Variants in NAALADL2 observed in about 807,000 individuals in gnomAD.
NAALADL2 encodes the protein N-acetylated alpha-linked acidic dipeptidase like 2.
A neutral mutation model predicts 87.2 loss-of-function variants in NAALADL2; 76 were observed. That is an observed-to-expected ratio of 0.87 (90% CI 0.72 to 1.05). The LOEUF (loss-of-function observed/expected upper bound fraction) is 1.05, where lower values mean the gene tolerates loss of function less well. Ranked by LOEUF, NAALADL2 falls within the 50% of genes least tolerant of loss-of-function variation. NAALADL2 has a pLI of 0.00. For synonymous variants in NAALADL2, 354 were observed against 331.0 expected, an observed-to-expected ratio of 1.07 and a Z score of -0.75; for missense variants, 1,089 against 945.8, an observed-to-expected ratio of 1.15 and a Z score of -1.99.
intron 1 of NAALADL2, among the ~76,000 whole-genome samples, chr3:174,934,845 A>C (rs1408429810): frequency 6.6e-6 from 1 of 152,188 alleles, no homozygotes; most frequent in Admixed American, 6.5e-5. Context: ...TGATAGAGGA[A>C]TTATAGGATA....
rs760122100 is a variant in NAALADL2, at chr3:175,096,829, G to T, written c.83G>T (p.Arg28Ile). The change falls in exon 2 of 14, where the codon AGA becomes ATA. Residue 28 changes from arginine (R) to isoleucine (I), a missense_variant. Physicochemically the swap from Arg to Ile is moderately conservative, Grantham distance 97. Coordinates refer to ENST00000454872, the MANE Select transcript of NAALADL2 (RefSeq NM_207015.3). Reference protein sequence around the residue: ...MAYQKVHADQRAPGHSQYLDN... With the variant: ...MAYQKVHADQIAPGHSQYLDN... ...TATCAGAAGGTCCATGCAGATCAAA[G>T]AGCTCCAGGACACTCACAGTACTTA... 1.2e-6 allele frequency: 2 copies of T among 1,602,630 alleles called. No homozygotes were observed. The highest frequency in any genetic ancestry group is 3.5e-5 in the Admixed American group (2 of 57,930).
intron 1 of NAALADL2, among the ~76,000 whole-genome samples, chr3:174,934,206 G>A (rs1317048095): frequency 6.6e-6 from 1 of 152,122 alleles, no homozygotes; most frequent in Non-Finnish European, 1.5e-5. Context: ...AGCACCTAAA[G>A]TAGGATTTCA....
intron 11 of NAALADL2, among the ~76,000 whole-genome samples, chr3:175,680,317 G>A (rs1201305616): frequency 6.6e-6 from 1 of 152,178 alleles, no homozygotes; most frequent in African/African-American, 2.4e-5. Context: ...TAATGTGTAT[G>A]TGCTTTCCAT....
At chr3:174,724,230 T>C (rs1731977154) in intron 2 of NAALADL2, among the ~76,000 whole-genome samples, 1 of 152,192 alleles carries the variant, frequency 6.6e-6, no homozygotes, top group African/African-American at 2.4e-5. Context: ...AGAATTATCC[T>C]TTTAGAAATT....
chr3:175,011,276 G>GAGAT (rs1294464399), intron 1 of NAALADL2, among the ~76,000 whole-genome samples: 2 of 110,458 alleles, frequency 1.8e-5, no homozygotes, highest in African/African-American at 9.2e-5. Context: ...GAGAGACAGA[G>GAGAT]AGACAGAGAG....
intron 9 of NAALADL2, among the ~76,000 whole-genome samples, chr3:175,489,436 G>A (rs1727747413): frequency 6.6e-6 from 1 of 152,102 alleles, no homozygotes; most frequent in Admixed American, 6.6e-5. Context: ...GGGAGGAAAT[G>A]CCACGGCAAA....
intron 1 of NAALADL2, among the ~76,000 whole-genome samples, chr3:175,013,179 T>TATATATAAATATAC (rs1349897604): frequency 2.6e-4 from 32 of 123,192 alleles, no homozygotes; most frequent in Admixed American, 7.5e-4. Context: ...AATACATATT[T>TATATATAAATATAC]ATATATAAAT....
intron 5 of NAALADL2, among the ~76,000 whole-genome samples, chr3:175,381,808 G>A (rs899440658): frequency 1.3e-5 from 2 of 152,190 alleles, no homozygotes; most frequent in African/African-American, 4.8e-5. Flanking sequence ...GTCTCATTGT[G>A]GAGCAACAAG....
chr3:175,540,965 G>A (rs915009229), intron 9 of NAALADL2, among the ~76,000 whole-genome samples: 2 of 152,166 alleles, frequency 1.3e-5, no homozygotes, highest in Non-Finnish European at 2.9e-5. Context: ...AACAAACTGA[G>A]AGAGATAAGA....
chr3:175,546,578 T>TG (rs1286690213), intron 9 of NAALADL2, among the ~76,000 whole-genome samples: 3 of 152,154 alleles, frequency 2.0e-5, no homozygotes, highest in Non-Finnish European at 4.4e-5. Flanking sequence ...AAGGCATGTC[T>TG]GGTGGTAACA....
At chr3:175,562,410 T>A (rs1433418050) in intron 9 of NAALADL2, among the ~76,000 whole-genome samples, 1 of 152,064 alleles carries the variant, frequency 6.6e-6, no homozygotes, top group Non-Finnish European at 1.5e-5. Context: ...TATTATTATG[T>A]ATATATTATA....
intron 2 of NAALADL2, among the ~76,000 whole-genome samples, chr3:175,163,876 A>G (rs1216329557): frequency 6.6e-6 from 1 of 152,176 alleles, no homozygotes; most frequent in Admixed American, 6.6e-5. Flanking sequence ...AGGAAAGAGC[A>G]AAGACTGCTA....
At chr3:174,606,725 A>T (rs1719112205) in intron 2 of NAALADL2, among the ~76,000 whole-genome samples, 3 of 152,328 alleles carry the variant, frequency 2.0e-5, no homozygotes, top group Non-Finnish European at 4.4e-5. Context: ...GGGAGAATGG[A>T]ACCAAGTTGG....
chr3:174,649,490 G>A (rs1420224286), intron 2 of NAALADL2, among the ~76,000 whole-genome samples: 3 of 151,138 alleles, frequency 2.0e-5, no homozygotes, highest in Admixed American at 2.0e-4. Context: ...TTTTATTTTT[G>A]CTCTTCATTT....
chr3:174,543,564 TCC>T (rs1722455741), intron 1 of NAALADL2, among the ~76,000 whole-genome samples: 1 of 151,972 alleles, frequency 6.6e-6, no homozygotes, highest in African/African-American at 2.4e-5. Flanking sequence ...TCTTTCCCTC[TCC>T]CTCTCCCTAC....
intron 1 of NAALADL2, among the ~76,000 whole-genome samples, chr3:175,048,964 A>T (rs1451309959): frequency 6.6e-6 from 1 of 152,120 alleles, no homozygotes; most frequent in Admixed American, 6.6e-5. Context: ...TATTTTCTCT[A>T]TTAGAAAAAT....
chr3:175,415,646 T>C (rs1386540191), intron 5 of NAALADL2, among the ~76,000 whole-genome samples: 4 of 152,218 alleles, frequency 2.6e-5, no homozygotes, highest in Admixed American at 2.0e-4. Context: ...TCTAAACTTA[T>C]GAAAATAGCA....
intron 5 of NAALADL2, among the ~76,000 whole-genome samples, chr3:175,371,296 C>A (rs1478144224): frequency 6.6e-6 from 1 of 151,868 alleles, no homozygotes; most frequent in African/African-American, 2.4e-5. Context: ...AGACGGAGTA[C>A]TCGCTCTTTC....
At chr3:175,493,979 T>G (rs1284688803) in intron 9 of NAALADL2, among the ~76,000 whole-genome samples, 1 of 152,136 alleles carries the variant, frequency 6.6e-6, no homozygotes. Context: ...CTATCTTGTT[T>G]GTAACATACA....
Sources: gnomAD v4.1 joint callset for allele counts (sites outside exome capture counted in the v4.1 genomes callset) on GRCh38, gnomAD v4.1.1 for gene constraint, MANE v1.5 for transcripts, NCBI Gene and HGNC (gene_info 2026-07-23, HGNC 2026-07-21) for gene names.